Variants in FBXL2 observed in about 807,000 individuals in gnomAD.
FBXL2 encodes F-box and leucine rich repeat protein 2.
A neutral mutation model predicts 69.2 loss-of-function variants in FBXL2; 38 were observed. The ratio of observed to expected loss-of-function variants is 0.55; its 90% confidence interval spans 0.42 to 0.72. FBXL2 has a LOEUF of 0.72. Among genes scored for constraint, FBXL2 ranks in the 30% least tolerant of loss-of-function variants. The pLI is 0.00. For synonymous variants in FBXL2, 192 were observed against 201.3 expected (o/e 0.95, Z 0.39); for missense variants, 354 against 520.3 (o/e 0.68, Z 3.11).
At chr3:33,289,865 G>A in intron 1 of FBXL2, 1 of 858,262 alleles carries the variant, frequency 1.2e-6, no homozygotes, top group Non-Finnish European at 1.4e-6. Flanking sequence ...GTGCACCAGG[G>A]GGTTTATGAA....
chr3:33,304,108 G>C lies in FBXL2; in HGVS notation c.65+6383G>C, dbSNP rs2036516006. ...CATATATTTGCAAAAGCACACTGAG[G>C]CATATATACAGGATGATTACTGCAG... is the stretch of plus-strand genomic sequence containing the variant. On this transcript the variant is annotated intron_variant, in intron 2 of 14. Coordinates refer to ENST00000484457, the MANE Select transcript of FBXL2 (RefSeq NM_012157.5). 2.0e-5 allele frequency among the ~76,000 whole-genome samples: 3 copies of C among 152,034 alleles called. No individual in the cohort carries two copies. The South Asian group carries it at 6.2e-4, about 32-fold the overall frequency.
the FBXL2 span, chr3:33,408,880 C>A: frequency 2.5e-6 from 3 of 1,221,396 alleles, no homozygotes; most frequent in South Asian, 3.9e-5. Flanking sequence ...TCTCTTCAGT[C>A]CAATTAAACA....
intron 2 of FBXL2, among the ~76,000 whole-genome samples, chr3:33,356,940 G>T (rs78824787): frequency 0.014 from 2,114 of 152,262 alleles, 21 homozygotes; most frequent in South Asian, 0.027. Flanking sequence ...TGTGTTAAGC[G>T]TTCCAAAGCA....
chr3:33,310,719 C>T (rs549413325), intron 2 of FBXL2, among the ~76,000 whole-genome samples: 2 of 152,056 alleles, frequency 1.3e-5, no homozygotes, highest in Admixed American at 1.3e-4. Flanking sequence ...TTCTGAAGGA[C>T]AGCTTTGCCT....
In FBXL2 at chr3:33,342,059, C is replaced by T. The variant is rs192494967; in HGVS notation, c.66-16908C>T. 4.1e-3 allele frequency among the ~76,000 whole-genome samples: 555 copies of T among 134,760 alleles called. 1 individual carries two copies. The highest frequency in any genetic ancestry group is 0.015 in the African/African-American group (517 of 35,218). The allele number at this position is 134,760 out of a possible 152,430, so 88.4% of individuals were successfully genotyped here. Reference sequence around the variant, plus strand: ...TTGCTCTGTCTCCCAGGCTGGAGTGCAGTGGCACGATCTCGGCTCACTGCA... The same window carrying T: ...TTGCTCTGTCTCCCAGGCTGGAGTGTAGTGGCACGATCTCGGCTCACTGCA... On this transcript the variant is annotated intron_variant, in intron 2 of 14. Transcript: ENST00000484457.
Position 33,378,811 on chromosome 3 carries a change from C to T in FBXL2, c.951+70C>T, listed in dbSNP as rs1418741258. ...AGAGCCCTCCCACCACAACAAGAAGCTGTTTGGGTTCTCTTTCTGTAAGGT... is the reference window on the plus strand; with the variant it reads ...AGAGCCCTCCCACCACAACAAGAAGTTGTTTGGGTTCTCTTTCTGTAAGGT... On this transcript the variant is annotated intron_variant, in intron 13 of 14. Transcript: ENST00000484457. The T allele has an allele frequency of 3.1e-6, 5 of 1,612,828 alleles. No homozygotes were observed. The East Asian group carries it at 1.1e-4, about 36-fold the overall frequency.
chr3:33,404,610 G>A (rs1003453857), downstream of FBXL2, among the ~76,000 whole-genome samples: 2 of 151,896 alleles, frequency 1.3e-5, no homozygotes, highest in African/African-American at 2.4e-5. Flanking sequence ...CTACACCACT[G>A]CACTCCAGCT....
intron 2 of FBXL2, among the ~76,000 whole-genome samples, chr3:33,355,509 C>T (rs570659042): frequency 2.0e-5 from 3 of 152,088 alleles, no homozygotes; most frequent in Non-Finnish European, 4.4e-5. Flanking sequence ...ATAGGAAATT[C>T]CGAGGATCAA....
the FBXL2 span, chr3:33,409,170 A>G: frequency 6.8e-7 from 1 of 1,466,834 alleles, no homozygotes; most frequent in Non-Finnish European, 9.5e-7. Flanking sequence ...AGCAGAACTC[A>G]TCTTAGAAAT....
intron 2 of FBXL2, among the ~76,000 whole-genome samples, chr3:33,302,564 A>G (rs2125733058): frequency 6.6e-6 from 1 of 152,356 alleles, no homozygotes; most frequent in African/African-American, 2.4e-5. Context: ...CATAGGAGAC[A>G]GCAAGTGATA....
At chr3:33,281,560 A>G (rs2034008593) in intron 1 of FBXL2, among the ~76,000 whole-genome samples, 1 of 152,200 alleles carries the variant, frequency 6.6e-6, no homozygotes, top group African/African-American at 2.4e-5. Context: ...GTATATACCC[A>G]GTAATGGAAT....
At chr3:33,409,327 T>C in the FBXL2 span, 4 of 1,614,200 alleles carry the variant, frequency 2.5e-6, no homozygotes, top group Non-Finnish European at 2.5e-6. Flanking sequence ...AGTTTTTTGT[T>C]TCCTGTCTGC....
chr3:33,375,234 GT>G, intron 9 of FBXL2, 53 bp from the exon 10 acceptor site: 4 of 1,588,010 alleles, frequency 2.5e-6, no homozygotes, highest in Non-Finnish European at 3.4e-6. Context: ...TGCTGCTCCC[GT>G]TTTGGTATTG....
intron 9 of FBXL2, among the ~76,000 whole-genome samples, chr3:33,374,956 TGA>T (rs896086140): frequency 3.9e-5 from 6 of 152,200 alleles, no homozygotes; most frequent in African/African-American, 9.6e-5. Flanking sequence ...TTTTAAATTA[TGA>T]GTTTATAAAT....
chr3:33,373,568 G>C lies in FBXL2; in HGVS notation c.456-10G>C. 1 of 1,614,098 alleles carries C rather than the reference G, an allele frequency of 6.2e-7. No homozygotes were observed. The highest frequency in any genetic ancestry group is 8.5e-7 in the Non-Finnish European group (1 of 1,180,006). On this transcript the variant is annotated splice_polypyrimidine_tract_variant and intron_variant, in intron 7 of 14. Coordinates refer to ENST00000484457, the MANE Select transcript of FBXL2 (RefSeq NM_012157.5). Reference sequence around the variant, plus strand: ...GACTGCACATAAGTTTTTGTTTCTTGTTCTCTCAGTGAGGGCTGCCGAAAC... The same window carrying C: ...GACTGCACATAAGTTTTTGTTTCTTCTTCTCTCAGTGAGGGCTGCCGAAAC...
chr3:33,342,002 AT>A, intron 2 of FBXL2, among the ~76,000 whole-genome samples: 1 of 132,288 alleles, frequency 7.6e-6, no homozygotes, highest in Non-Finnish European at 1.6e-5. Context: ...TCTTTTCTTT[AT>A]CTTTTTTTTT....
At chr3:33,306,172 A>G (rs2036698039) in intron 2 of FBXL2, among the ~76,000 whole-genome samples, 1 of 152,114 alleles carries the variant, frequency 6.6e-6, no homozygotes, top group African/African-American at 2.4e-5. Context: ...CATTCTACAA[A>G]TTTTGAACTG....
chr3:33,354,657 A>G (rs77126244), intron 2 of FBXL2, among the ~76,000 whole-genome samples: 102 of 152,334 alleles, frequency 6.7e-4, no homozygotes, highest in African/African-American at 2.3e-3. Context: ...AGTAAACATC[A>G]TAATTGAATA....
intron 2 of FBXL2, among the ~76,000 whole-genome samples, chr3:33,345,600 C>G (rs1229800011): frequency 6.6e-6 from 1 of 152,260 alleles, no homozygotes; most frequent in East Asian, 1.9e-4. Flanking sequence ...ACAAAATACA[C>G]ATTCCTCTTA....
Sources: gnomAD v4.1 joint callset for allele counts (sites outside exome capture counted in the v4.1 genomes callset) on GRCh38, gnomAD v4.1.1 for gene constraint, MANE v1.5 for transcripts, NCBI Gene and HGNC (gene_info 2026-07-23, HGNC 2026-07-21) for gene names.